The following PAK5 variants were observed in gnomAD, a reference collection of about 807,000 sequenced individuals.
PAK5 encodes p21 (RAC1) activated kinase 5.
A neutral mutation model predicts 65.9 loss-of-function variants in PAK5; 16 were observed. That is an observed-to-expected ratio of 0.24 (90% CI 0.16 to 0.37). The LOEUF (loss-of-function observed/expected upper bound fraction) is 0.37, where lower values mean the gene tolerates loss of function less well. Among genes scored for constraint, PAK5 ranks in the 10% least tolerant of loss-of-function variants. The pLI is 1.00. For synonymous variants in PAK5, 371 were observed against 354.9 expected, an observed-to-expected ratio of 1.05 and a Z score of -0.51; for missense variants, 785 against 903.9, an observed-to-expected ratio of 0.87 and a Z score of 1.69.
At chr20:9,613,736 C>G (rs975230627) in intron 3 of PAK5, among the ~76,000 whole-genome samples, 1 of 152,136 alleles carries the variant, frequency 6.6e-6, no homozygotes, top group African/African-American at 2.4e-5. Context: ...CTCCATTTCC[C>G]CCTAGCCACC....
intron 1 of PAK5, among the ~76,000 whole-genome samples, chr20:9,779,768 TAGA>T (rs1336742630): frequency 2.0e-5 from 3 of 152,074 alleles, no homozygotes; most frequent in Non-Finnish European, 4.4e-5. Flanking sequence ...GCATTGTTAG[TAGA>T]AGATTTTCTA....
intron 7 of PAK5, among the ~76,000 whole-genome samples, chr20:9,545,596 T>C (rs188224798): frequency 1.3e-5 from 2 of 152,296 alleles, no homozygotes; most frequent in East Asian, 3.9e-4. Context: ...TGGCTCTACC[T>C]CTGCCGCCTG....
At chr20:9,713,864 A>G (rs1182120830) in intron 1 of PAK5, among the ~76,000 whole-genome samples, 2 of 152,040 alleles carry the variant, frequency 1.3e-5, no homozygotes, top group African/African-American at 4.8e-5. Flanking sequence ...GAAAGTGGGG[A>G]GCAAGAGAAA....
intron 8 of PAK5, among the ~76,000 whole-genome samples, chr20:9,543,029 A>G (rs1269229874): frequency 6.6e-6 from 1 of 152,252 alleles, no homozygotes; most frequent in African/African-American, 2.4e-5. Context: ...GGCAGATGAG[A>G]AAATCATCCG....
At chr20:9,796,753 A>G (rs2049109665) in intron 1 of PAK5, among the ~76,000 whole-genome samples, 2 of 152,162 alleles carry the variant, frequency 1.3e-5, no homozygotes, top group Admixed American at 1.3e-4. Context: ...GTGGAAGATC[A>G]AAGACTACAG....
At chr20:9,660,348 C>T (rs1429465314) in intron 2 of PAK5, among the ~76,000 whole-genome samples, 1 of 151,722 alleles carries the variant, frequency 6.6e-6, no homozygotes, top group Non-Finnish European at 1.5e-5. Context: ...TCTCCTTTCT[C>T]TCTTCCCTTA....
At chr20:9,726,865 C>A (rs2048283666) in intron 1 of PAK5, among the ~76,000 whole-genome samples, 1 of 152,070 alleles carries the variant, frequency 6.6e-6, no homozygotes, top group South Asian at 2.1e-4. Context: ...AAAGGATGAT[C>A]AACTATGTAT....
At chr20:9,600,081 C>T (rs1469804754) in intron 3 of PAK5, among the ~76,000 whole-genome samples, 1 of 152,098 alleles carries the variant, frequency 6.6e-6, no homozygotes, top group Non-Finnish European at 1.5e-5. Flanking sequence ...ATCCAGTTCT[C>T]CCGGCGTTAT....
chr20:9,625,085 C>A (rs1015170756), intron 3 of PAK5, among the ~76,000 whole-genome samples: 3 of 152,106 alleles, frequency 2.0e-5, no homozygotes, highest in African/African-American at 7.2e-5. Context: ...CCACATCCAC[C>A]AGCCATCTCC....
At chr20:9,721,653 C>CAAAAA (rs144378083) in intron 1 of PAK5, among the ~76,000 whole-genome samples, 5 of 65,556 alleles carry the variant, frequency 7.6e-5, no homozygotes, top group East Asian at 5.0e-4. Context: ...GACTCCATCT[C>CAAAAA]AAAAAAAAAA....
intron 1 of PAK5, among the ~76,000 whole-genome samples, chr20:9,801,583 C>T (rs1474420300): frequency 6.6e-6 from 1 of 150,958 alleles, no homozygotes; most frequent in Non-Finnish European, 1.5e-5. Flanking sequence ...CTTTAATAGA[C>T]TTTTATATTT....
rs1235217825 is a variant in PAK5, at chr20:9,695,027, C to T, written c.-12+16259G>A. Among the ~76,000 whole-genome samples, 4 of 152,002 alleles carry T rather than the reference C, an allele frequency of 2.6e-5. No individual in the cohort carries two copies. The East Asian group carries it at 7.7e-4, about 29-fold the overall frequency. On this transcript the variant is annotated intron_variant, in intron 2 of 9. Coordinates refer to ENST00000353224, the MANE Select transcript of PAK5 (RefSeq NM_177990.4). ...ACTCCTGCCAATAGCTTAAGAGTTG[C>T]TCCACATCCTTATTCACATTTCCAA... is the stretch of plus-strand genomic sequence containing the variant.
At position 9,746,750 on chromosome 20, in the gene PAK5, T is replaced by C. The variant is rs546783742; in HGVS notation, c.-161-35315A>G. 3.0e-4 allele frequency among the ~76,000 whole-genome samples: 45 copies of C among 151,948 alleles called. 1 individual carries two copies. In the South Asian group the frequency reaches 5.6e-3, roughly 19 times the overall value. ...CCACAGGAACCGCACAGACATTCCT[T>C]GAGCTGAACCAGAAAAGCCAACAGT... is the stretch of plus-strand genomic sequence containing the variant. On this transcript the variant is annotated intron_variant, in intron 1 of 9. Coordinates refer to ENST00000353224, the MANE Select transcript of PAK5 (RefSeq NM_177990.4).
chr20:9,595,901 T>TC lies in PAK5; in HGVS notation c.205-14972_205-14971insG, dbSNP rs1568987576. Among the ~76,000 whole-genome samples the TC allele has an allele frequency of 8.6e-5, 13 of 151,618 alleles. No homozygotes were observed. The East Asian group carries it at 2.1e-3, about 25-fold the overall frequency. ...GTTTCAAATGGACTCCCCAGAGGCT[T>TC]GAAAAAAATCAAATTTATAGCTTAA... On this transcript the variant is annotated intron_variant, in intron 3 of 9. Coordinates refer to ENST00000353224, the MANE Select transcript of PAK5 (RefSeq NM_177990.4).
Position 9,580,623 on chromosome 20 carries a change from T to C in PAK5, c.512A>G (p.His171Arg), listed in dbSNP as rs1359040683. ...RGSHAAKQNG[H>R]VMKMKHGEAY... ...CTCCCCGTGCTTCATTTTCATTACG[T>C]GCCCATTTTGCTTGGCTGCGTGGCT... Residue 171 changes from histidine to arginine, a missense_variant, in exon 4 of 10, where the codon CAC becomes CGC. This residue lies in a region of PAK5 where 422 missense variants were observed against 413.3 expected (regional missense o/e 1.02). Transcript: ENST00000353224. The C allele has an allele frequency of 6.2e-7, 1 of 1,614,140 alleles. No individual in the cohort carries two copies. The highest frequency in any genetic ancestry group is 8.5e-7 in the Non-Finnish European group (1 of 1,179,994).
chr20:9,674,666 T>G (rs1376487696), intron 2 of PAK5, among the ~76,000 whole-genome samples: 1 of 152,176 alleles, frequency 6.6e-6, no homozygotes, highest in South Asian at 2.1e-4. Context: ...AAGCAGTGAT[T>G]TAAATGCTCG....
intron 2 of PAK5, among the ~76,000 whole-genome samples, chr20:9,699,193 C>T (rs1052144190): frequency 6.6e-6 from 1 of 152,158 alleles, no homozygotes; most frequent in Non-Finnish European, 1.5e-5. Context: ...TTGAAATACA[C>T]AGTCCTGATT....
chr20:9,767,398 T>C (rs557863900), intron 1 of PAK5, among the ~76,000 whole-genome samples: 1 of 152,314 alleles, frequency 6.6e-6, no homozygotes, highest in Non-Finnish European at 1.5e-5. Flanking sequence ...CACCTCCTCA[T>C]TAAAAGCAGA....
intron 3 of PAK5, among the ~76,000 whole-genome samples, chr20:9,611,847 G>T (rs2046566967): frequency 6.6e-6 from 1 of 152,170 alleles, no homozygotes; most frequent in East Asian, 1.9e-4. Context: ...ATCAGACAGA[G>T]GTGGGAATTT....
Sources: allele counts gnomAD v4.1 joint callset (sites outside exome capture counted in the v4.1 genomes callset), GRCh38; gene constraint gnomAD v4.1.1; regional missense constraint gnomAD v4.1.1; transcripts MANE v1.5; gene names NCBI Gene and HGNC (gene_info 2026-07-23, HGNC 2026-07-21).